The following FLT4 variants were observed in gnomAD, a reference collection of about 807,000 sequenced individuals.
FLT4 encodes the protein fms related receptor tyrosine kinase 4, also known as vascular endothelial growth factor receptor 3.
A neutral mutation model predicts 163.2 loss-of-function variants in FLT4; 30 were observed. The observed-to-expected ratio is 0.18, with a 90% CI of 0.14 to 0.25. The LOEUF (loss-of-function observed/expected upper bound fraction) is 0.25. Ranked by LOEUF, FLT4 falls within the 10% of genes least tolerant of loss-of-function variation. The pLI, the probability that FLT4 is intolerant of heterozygous loss-of-function variation, is 1.00. For missense variants in FLT4, 1,510 were observed against 1,863.8 expected (o/e 0.81, Z 3.50); for synonymous variants, 884 against 789.5 (o/e 1.12, Z -2.01).
At chr5:180,641,009 T>C (rs11750142) in intron 1 of FLT4, among the ~76,000 whole-genome samples, 24,409 of 152,074 alleles carry the variant, frequency 0.16, 2,529 homozygotes, top group Middle Eastern at 0.25. Context: ...GCATGAGAGA[T>C]TGAGGGTAGA....
chr5:180,637,858 T>C (rs1764806947), intron 1 of FLT4, among the ~76,000 whole-genome samples: 1 of 152,128 alleles, frequency 6.6e-6, no homozygotes, highest in African/African-American at 2.4e-5. Context: ...CAAAACAAAA[T>C]AATTACTTGG....
chr5:180,622,008 T>C (rs1763188754), intron 12 of FLT4, 104 bp from the exon 13 acceptor site: 3 of 1,120,628 alleles, frequency 2.7e-6, no homozygotes, highest in African/African-American at 1.6e-5. Context: ...CCCTCTCTCC[T>C]GGAGGGGCCC....
At chr5:180,605,044 T>C (rs999791848) in intron 29 of FLT4, among the ~76,000 whole-genome samples, 2 of 152,262 alleles carry the variant, frequency 1.3e-5, no homozygotes, top group Non-Finnish European at 2.9e-5. Context: ...CACTGCATCC[T>C]CGACCTTCTG....
intron 1 of FLT4, among the ~76,000 whole-genome samples, chr5:180,644,743 T>C (rs1765385376): frequency 6.6e-6 from 1 of 152,272 alleles, no homozygotes; most frequent in African/African-American, 2.4e-5. Context: ...ACGCCACATC[T>C]GTGTGCATGT....
Position 180,614,065 on chromosome 5 carries a change from C to T in FLT4, c.3331+3G>A, listed in dbSNP as rs1258606058. 1.2e-6 allele frequency: 2 copies of T among 1,602,692 alleles called. No individual in the cohort carries two copies. The highest frequency in any genetic ancestry group is 2.7e-5 in the African/African-American group (2 of 74,646). On this transcript the variant is annotated splice_donor_region_variant and intron_variant, in intron 24 of 29. Transcript: ENST00000261937. ...CCCCACCGGCACCCCATCCTGCACT[C>T]ACCCAGAGAGAAGATCTCCCAGAGA...
At chr5:180,605,038 G>A (rs1761714535) in intron 29 of FLT4, among the ~76,000 whole-genome samples, 1 of 152,200 alleles carries the variant, frequency 6.6e-6, no homozygotes, top group East Asian at 1.9e-4. Flanking sequence ...ATGGCTCACT[G>A]CATCCTCGAC....
In FLT4 at chr5:180,621,858, T is replaced by A; in HGVS notation, c.1704A>T (p.Leu568=). The A allele has an allele frequency of 6.2e-7, 1 of 1,613,436 alleles. No individual in the cohort carries two copies. The highest frequency in any genetic ancestry group is 1.1e-5 in the South Asian group (1 of 91,090). ...FTIESKPSEE[L]LEGQPVLLSC... ...TCAGGAGCACCGGCTGGCCCTCTAG[T>A]AGCTCCTCGGATGGCTTGGATTCGA... Residue 568 remains leucine, a synonymous_variant, in exon 13 of 30, where the codon CTA becomes CTT. Transcript: ENST00000261937.
At chr5:180,611,743 C>T (rs1376900497) in intron 26 of FLT4, 3 of 568,092 alleles carry the variant, frequency 5.3e-6, no homozygotes, top group Non-Finnish European at 9.5e-6. Context: ...CGAGCTCATG[C>T]CAGAAACCAG....
chr5:180,627,270 G>A (rs1763696344), intron 8 of FLT4, among the ~76,000 whole-genome samples: 1 of 152,148 alleles, frequency 6.6e-6, no homozygotes, highest in Non-Finnish European at 1.5e-5. Context: ...GGGAGGCAGG[G>A]GCCCATTCTC....
Position 180,625,984 on chromosome 5 carries a change from A to C in FLT4, c.1306T>G (p.Ser436Ala). Reference protein sequence around the residue: ...EKEASSPSIYSRHSRQALTCT... With the variant: ...EKEASSPSIYARHSRQALTCT... Reference sequence around the variant, plus strand: ...GTGAGGGCCTGGCGGCTGTGACGCGAGTAGATGCTGGGGGAGGAGGCCTCC... The same window carrying C: ...GTGAGGGCCTGGCGGCTGTGACGCGCGTAGATGCTGGGGGAGGAGGCCTCC... Residue 436 changes from serine to alanine, a missense_variant, in exon 10 of 30, where the codon TCG becomes GCG. Coordinates refer to ENST00000261937, the MANE Select transcript of FLT4 (RefSeq NM_182925.5). 6.2e-7 allele frequency: 1 copy of C among 1,612,722 alleles called. No individual in the cohort carries two copies. The highest frequency in any genetic ancestry group is 8.5e-7 in the Non-Finnish European group (1 of 1,179,948).
At chr5:180,607,662 CATAT>C (rs138060505) in intron 29 of FLT4, among the ~76,000 whole-genome samples, 6 of 147,568 alleles carry the variant, frequency 4.1e-5, no homozygotes, top group African/African-American at 1.5e-4. Context: ...TACATACATA[CATAT>C]ATATATATAA....
chr5:180,601,792 C>G lies in FLT4; in HGVS notation c.*1400G>C, dbSNP rs116376016. The stretch of plus-strand genomic sequence containing the variant: ...CGGGGACGACGAAGATGACCTTATA[C>G]GTGCACTCGGCATATCCTGGAGTAA... On this transcript the variant is annotated 3_prime_UTR_variant, in exon 30 of 30. Coordinates refer to ENST00000261937, the MANE Select transcript of FLT4 (RefSeq NM_182925.5). 4.3e-6 allele frequency: 1 copy of G among 231,674 alleles called. No individual in the cohort carries two copies. Among genetic ancestry groups the G allele is most frequent in the Non-Finnish European group, 8.5e-6 (1 of 117,198 alleles). The allele number at this position is 231,674 out of a possible 1,614,324, so 14.4% of individuals were successfully genotyped here.
rs2127879450 is a variant in FLT4, at chr5:180,649,569, G to C, written c.-24C>G. The C allele has an allele frequency of 7.3e-7, 1 of 1,376,090 alleles. No individual in the cohort carries two copies. The highest frequency in any genetic ancestry group is 1.5e-5 in the South Asian group (1 of 66,130). 85.2% of individuals were successfully genotyped at this position (1,376,090 alleles called of 1,614,324 possible). The stretch of plus-strand genomic sequence containing the variant: ...ATCTCCGGCCGCTGCGCGTGGGTCC[G>C]ACCCGAGCGGCCGCGGCTCGGGGCT... On this transcript the variant is annotated 5_prime_UTR_variant, in exon 1 of 30. Coordinates refer to ENST00000261937, the MANE Select transcript of FLT4 (RefSeq NM_182925.5).
chr5:180,606,001 C>G (rs574360501), intron 29 of FLT4, among the ~76,000 whole-genome samples: 22 of 152,328 alleles, frequency 1.4e-4, no homozygotes, highest in Non-Finnish European at 2.8e-4. Flanking sequence ...CTTCTTCTCC[C>G]CACACCCCAC....
At chr5:180,621,376 G>C (rs1459359368) in intron 13 of FLT4, 124 bp from the exon 14 acceptor site, 3 of 1,399,150 alleles carry the variant, frequency 2.1e-6, no homozygotes, top group African/African-American at 2.9e-5. Context: ...GCGCCGGGCA[G>C]GAGCGCGGCG....
intron 1 of FLT4, among the ~76,000 whole-genome samples, chr5:180,648,843 C>T (rs1312625664): frequency 6.6e-6 from 1 of 152,208 alleles, no homozygotes; most frequent in East Asian, 1.9e-4. Flanking sequence ...GGACCCCTGG[C>T]CTTCCGCCCC....
rs201290417 is a variant in FLT4, at chr5:180,609,872, G to C, written c.3807+33C>G. The stretch of plus-strand genomic sequence containing the variant: ...CCTGAGGCGGCCCCAGCCCTGAGCC[G>C]AGAGCGCAGCCCCCACCCTTCATGT... On this transcript the variant is annotated intron_variant, in intron 28 of 29. Coordinates refer to ENST00000261937, the MANE Select transcript of FLT4 (RefSeq NM_182925.5). 3.1e-6 allele frequency: 5 copies of C among 1,613,422 alleles called. No homozygotes were observed. The South Asian group carries it at 5.5e-5, about 18-fold the overall frequency.
intron 29 of FLT4, among the ~76,000 whole-genome samples, chr5:180,605,802 T>C (rs1296385660): frequency 2.0e-5 from 3 of 152,194 alleles, no homozygotes; most frequent in African/African-American, 7.2e-5. Flanking sequence ...ACAAGCCCAG[T>C]TTCCTGATCT....
chr5:180,647,097 A>G (rs755966782), intron 1 of FLT4, among the ~76,000 whole-genome samples: 16 of 152,192 alleles, frequency 1.1e-4, no homozygotes, highest in Non-Finnish European at 2.4e-4. Flanking sequence ...CCCAGGTCAC[A>G]GCAAGGGCAA....
Sources: gnomAD v4.1 joint callset for allele counts (sites outside exome capture counted in the v4.1 genomes callset) on GRCh38, gnomAD v4.1.1 for gene constraint, MANE v1.5 for transcripts, NCBI Gene and HGNC (gene_info 2026-07-23, HGNC 2026-07-21) for gene names.